Variants in TRDN observed in about 807,000 individuals in gnomAD.
TRDN encodes the protein triadin in skeletal muscle.
TRDN carries 161 observed loss-of-function variants against 149.7 expected under a neutral mutation model. The observed-to-expected ratio is 1.08, with a 90% CI of 0.95 to 1.23. The LOEUF (loss-of-function observed/expected upper bound fraction) is 1.23. Ranked by LOEUF, TRDN falls within the 50% of genes most tolerant of loss-of-function variation. The probability of loss-of-function intolerance (pLI) is 0.00; values close to 1 mark genes in which losing one functional copy is unlikely to be tolerated. For missense variants in TRDN, 896 were observed against 823.5 expected (o/e 1.09, Z -1.08); for synonymous variants, 294 against 250.5 (o/e 1.17, Z -1.64).
chr6:123,595,481 G>A (rs533504472), intron 1 of TRDN, among the ~76,000 whole-genome samples: 1 of 152,170 alleles, frequency 6.6e-6, no homozygotes, highest in African/African-American at 2.4e-5. Flanking sequence ...AAATCGAAGT[G>A]AGAAATTAAA....
intron 1 of TRDN, among the ~76,000 whole-genome samples, chr6:123,608,716 G>A (rs1784639680): frequency 6.6e-6 from 1 of 152,136 alleles, no homozygotes. Flanking sequence ...TTAACATATT[G>A]AATATGGTTG....
At chr6:123,479,561 A>C (rs1489193238) in intron 9 of TRDN, among the ~76,000 whole-genome samples, 1 of 152,112 alleles carries the variant, frequency 6.6e-6, no homozygotes, top group East Asian at 1.9e-4. Context: ...TTCACTGAGA[A>C]CATTGAAACA....
At chr6:123,285,197 A>G (rs1282814602) in intron 24 of TRDN, among the ~76,000 whole-genome samples, 1 of 152,130 alleles carries the variant, frequency 6.6e-6, no homozygotes, top group Non-Finnish European at 1.5e-5. Flanking sequence ...AAAATCCTAG[A>G]ATTCATATGG....
intron 24 of TRDN, among the ~76,000 whole-genome samples, chr6:123,288,303 G>A (rs780455877): frequency 5.7e-4 from 87 of 151,940 alleles, no homozygotes; most frequent in Non-Finnish European, 9.9e-4. Context: ...AGAAAACACC[G>A]GAAGAACTCC....
At chr6:123,589,864 G>C (rs1783696766) in intron 1 of TRDN, among the ~76,000 whole-genome samples, 1 of 152,166 alleles carries the variant, frequency 6.6e-6, no homozygotes, top group South Asian at 2.1e-4. Context: ...ATTTATGGAA[G>C]TGCAAGAACT....
At chr6:123,412,210 C>T (rs1255271423) in intron 12 of TRDN, among the ~76,000 whole-genome samples, 1 of 152,130 alleles carries the variant, frequency 6.6e-6, no homozygotes, top group Non-Finnish European at 1.5e-5. Flanking sequence ...TAACTAAAAC[C>T]ACAATTTACT....
intron 38 of TRDN, among the ~76,000 whole-genome samples, chr6:123,225,457 A>G (rs1464667515): frequency 4.6e-5 from 7 of 151,702 alleles, no homozygotes; most frequent in Admixed American, 4.0e-4. Flanking sequence ...TTTATCAAAT[A>G]TATTGTATGC....
rs1200633646 is a variant in TRDN, at chr6:123,529,507, A to C, written c.484+999T>G. The C allele has an allele frequency of 4.2e-6, 3 of 722,446 alleles. No homozygotes were observed. The African/African-American group carries it at 5.3e-5, about 13-fold the overall frequency. 44.8% of individuals were successfully genotyped at this position (722,446 alleles called of 1,614,324 possible). A position where few individuals can be genotyped will look rare whatever the true frequency, so the allele number is the denominator to read the frequency against. On this transcript the variant is annotated intron_variant, in intron 5 of 40. Coordinates refer to ENST00000334268, the MANE Select transcript of TRDN (RefSeq NM_006073.4). ...TGAGCCCTTCCCAAAAAGAAAGCACATGAAGTATATTTTAAAAACAACAGC... is the reference window on the plus strand; with the variant it reads ...TGAGCCCTTCCCAAAAAGAAAGCACCTGAAGTATATTTTAAAAACAACAGC...
chr6:123,432,669 C>T (rs548705940), intron 12 of TRDN, among the ~76,000 whole-genome samples: 3 of 152,058 alleles, frequency 2.0e-5, no homozygotes, highest in African/African-American at 7.2e-5. Context: ...ACTTTAGTCT[C>T]CATTTTTGCA....
intron 24 of TRDN, among the ~76,000 whole-genome samples, chr6:123,311,615 G>T (rs959072584): frequency 2.0e-5 from 3 of 151,946 alleles, no homozygotes; most frequent in African/African-American, 7.2e-5. Flanking sequence ...TCAGTCTCTA[G>T]ATCAGTAGGC....
At chr6:123,307,993 T>C (rs183717184) in intron 24 of TRDN, among the ~76,000 whole-genome samples, 1 of 152,102 alleles carries the variant, frequency 6.6e-6, no homozygotes, top group African/African-American at 2.4e-5. Context: ...AGTTAGTTTC[T>C]CAACCCTTTG....
chr6:123,571,169 G>A (rs761384699), intron 1 of TRDN, 37 bp from the exon 2 acceptor site: 12 of 1,601,270 alleles, frequency 7.5e-6, no homozygotes, highest in Non-Finnish European at 1.0e-5. Context: ...ATAATTTAGA[G>A]ATTCATGGTA....
intron 24 of TRDN, among the ~76,000 whole-genome samples, chr6:123,288,574 G>A (rs1777881109): frequency 6.6e-6 from 1 of 152,146 alleles, no homozygotes; most frequent in East Asian, 1.9e-4. Flanking sequence ...CAAAGCATGT[G>A]AACAGACACT....
chr6:123,588,865 T>G (rs1242701578), intron 1 of TRDN, among the ~76,000 whole-genome samples: 1 of 152,174 alleles, frequency 6.6e-6, no homozygotes, highest in South Asian at 2.1e-4. Flanking sequence ...CTTGATAAGC[T>G]TGGCTATTTT....
chr6:123,270,886 T>A (rs764545033), intron 30 of TRDN, among the ~76,000 whole-genome samples: 8 of 152,046 alleles, frequency 5.3e-5, no homozygotes, highest in Admixed American at 5.3e-4. Context: ...TTCTCATGAA[T>A]TACACATAAG....
chr6:123,291,865 T>C (rs1270051234), intron 24 of TRDN, among the ~76,000 whole-genome samples: 2 of 152,206 alleles, frequency 1.3e-5, no homozygotes, highest in Non-Finnish European at 2.9e-5. Context: ...CTCCTTCAGC[T>C]TTTTTGTCAG....
At chr6:123,617,267 TCA>T (rs1785142614) in intron 1 of TRDN, among the ~76,000 whole-genome samples, 1 of 152,140 alleles carries the variant, frequency 6.6e-6, no homozygotes, top group Admixed American at 6.6e-5. Flanking sequence ...TTTTAAAAGT[TCA>T]GTTTAAAATG....
chr6:123,240,788 AATTG>A (rs1775961974), intron 38 of TRDN, among the ~76,000 whole-genome samples: 1 of 151,952 alleles, frequency 6.6e-6, no homozygotes, highest in Non-Finnish European at 1.5e-5. Flanking sequence ...AAAGTGATAA[AATTG>A]ATTAATTTAT....
chr6:123,333,107 G>T (rs572539799), intron 22 of TRDN, among the ~76,000 whole-genome samples: 1 of 152,142 alleles, frequency 6.6e-6, no homozygotes, highest in East Asian at 1.9e-4. Context: ...ACACTGGAAA[G>T]CTTCATTAAC....
Sources: gnomAD v4.1 joint callset for allele counts (sites outside exome capture counted in the v4.1 genomes callset) on GRCh38, gnomAD v4.1.1 for gene constraint, MANE v1.5 for transcripts, NCBI Gene and HGNC (gene_info 2026-07-23, HGNC 2026-07-21) for gene names.